RANBP2: variants seen among roughly 807,000 people sequenced by gnomAD.
RANBP2 encodes RAN binding protein 2, also known as E3 SUMO-protein ligase RanBP2.
In RANBP2, 57 loss-of-function variants were observed where a neutral mutation model predicts 303.6. The ratio of observed to expected loss-of-function variants is 0.19; its 90% CI spans 0.15 to 0.23. The LOEUF (loss-of-function observed/expected upper bound fraction) is 0.23, where lower values mean the gene tolerates loss of function less well. RANBP2 is among the 10% of genes least tolerant of loss of function. The pLI, the probability that RANBP2 is intolerant of heterozygous loss-of-function variation, is 1.00. For synonymous variants in RANBP2, 1,167 were observed against 1,301.5 expected (o/e 0.90, Z 2.23); for missense variants, 3,138 against 3,780.8 (o/e 0.83, Z 4.46).
At chr2:109,382,756 C>T in the RANBP2 span, among the ~76,000 whole-genome samples, 4 of 152,222 alleles carry the variant, frequency 2.6e-5, no homozygotes, top group Admixed American at 1.3e-4. Flanking sequence ...ATCCAGGGCC[C>T]GCAGCTGATG....
At chr2:109,678,722 C>T in the RANBP2 span, among the ~76,000 whole-genome samples, 1 of 152,186 alleles carries the variant, frequency 6.6e-6, no homozygotes, top group Non-Finnish European at 1.5e-5. Context: ...TCCTTTCCTT[C>T]TGGTAACTAC....
At chr2:109,600,434 A>G in the RANBP2 span, among the ~76,000 whole-genome samples, 1 of 152,022 alleles carries the variant, frequency 6.6e-6, no homozygotes, top group Non-Finnish European at 1.5e-5. Flanking sequence ...CAATATCTTC[A>G]TGATAAATTC....
the RANBP2 span, among the ~76,000 whole-genome samples, chr2:108,860,954 T>G: frequency 6.9e-6 from 1 of 144,996 alleles, no homozygotes; most frequent in African/African-American, 2.5e-5. Context: ...TTTTTTTTTT[T>G]TTTTGGTTGG....
At chr2:109,357,218 G>A in the RANBP2 span, among the ~76,000 whole-genome samples, 1 of 150,574 alleles carries the variant, frequency 6.6e-6, no homozygotes, top group Non-Finnish European at 1.5e-5. Context: ...GTCTTACTCT[G>A]TCGCCCAGGC....
the RANBP2 span, among the ~76,000 whole-genome samples, chr2:109,469,373 G>A: frequency 1.3e-5 from 2 of 151,846 alleles, no homozygotes; most frequent in African/African-American, 4.8e-5. Flanking sequence ...CCCGTGCTTT[G>A]CTTTGGGGCC....
the RANBP2 span, among the ~76,000 whole-genome samples, chr2:109,518,732 T>C: frequency 6.6e-6 from 1 of 152,044 alleles, no homozygotes. Flanking sequence ...TGTAAAGAAA[T>C]ACCCAAGACC....
the RANBP2 span, among the ~76,000 whole-genome samples, chr2:109,584,437 T>C: frequency 7.9e-6 from 1 of 127,146 alleles, no homozygotes; most frequent in Non-Finnish European, 1.5e-5. Flanking sequence ...ATCATGCCAC[T>C]GCACTCCAGA....
the RANBP2 span, chr2:108,910,722 C>T: frequency 1.3e-6 from 2 of 1,594,452 alleles, no homozygotes; most frequent in Non-Finnish European, 1.7e-6. Context: ...GGAACGCCCT[C>T]CACCCAGAGA....
the RANBP2 span, among the ~76,000 whole-genome samples, chr2:109,227,527 C>G: frequency 6.6e-6 from 1 of 152,184 alleles, no homozygotes; most frequent in Non-Finnish European, 1.5e-5. Flanking sequence ...TGTGGGCTCC[C>G]GGGTCTGCCT....
At chr2:109,657,950 C>G in the RANBP2 span, among the ~76,000 whole-genome samples, 1 of 151,634 alleles carries the variant, frequency 6.6e-6, no homozygotes, top group Non-Finnish European at 1.5e-5. Context: ...GAACTTCTGA[C>G]TTCAAGTGAT....
the RANBP2 span, among the ~76,000 whole-genome samples, chr2:109,695,156 T>C: frequency 6.6e-6 from 1 of 151,502 alleles, no homozygotes; most frequent in Non-Finnish European, 1.5e-5. Context: ...TTATAACCTC[T>C]CTTTCTTTGC....
the RANBP2 span, among the ~76,000 whole-genome samples, chr2:108,837,420 G>A: frequency 6.6e-5 from 10 of 151,994 alleles, no homozygotes; most frequent in East Asian, 3.9e-4. Flanking sequence ...TTAATATACC[G>A]CCATGCACTG....
chr2:108,867,258 G>T, the RANBP2 span, among the ~76,000 whole-genome samples: 1 of 152,198 alleles, frequency 6.6e-6, no homozygotes, highest in Non-Finnish European at 1.5e-5. Context: ...GTGGACACAA[G>T]AGAGAAGCTC....
chr2:108,829,260 A>G, the RANBP2 span, among the ~76,000 whole-genome samples: 1 of 152,180 alleles, frequency 6.6e-6, no homozygotes, highest in Admixed American at 6.6e-5. Flanking sequence ...CACAATATAT[A>G]AGGAACTCCT....
At chr2:109,578,461 T>C in the RANBP2 span, among the ~76,000 whole-genome samples, 2 of 152,148 alleles carry the variant, frequency 1.3e-5, no homozygotes, top group Non-Finnish European at 2.9e-5. Context: ...AAAATGGAGA[T>C]TAGAAATCTA....
the RANBP2 span, among the ~76,000 whole-genome samples, chr2:109,343,467 G>T: frequency 1.3e-5 from 2 of 152,068 alleles, no homozygotes; most frequent in African/African-American, 4.8e-5. Context: ...GTCTGAGATG[G>T]GGATACAGGG....
the RANBP2 span, among the ~76,000 whole-genome samples, chr2:109,608,788 T>C: frequency 6.6e-6 from 1 of 152,228 alleles, no homozygotes; most frequent in East Asian, 1.9e-4. Context: ...AAATTAAATT[T>C]TCTAAATAAA....
chr2:109,596,383 C>T, the RANBP2 span, among the ~76,000 whole-genome samples: 16 of 151,986 alleles, frequency 1.1e-4, no homozygotes, highest in East Asian at 2.7e-3. Flanking sequence ...TTTGGGAGGC[C>T]GAGGTGGGTG....
the RANBP2 span, among the ~76,000 whole-genome samples, chr2:109,332,700 T>TCCTGC: frequency 6.6e-6 from 1 of 152,172 alleles, no homozygotes; most frequent in Non-Finnish European, 1.5e-5. Flanking sequence ...TCTGAGTGAT[T>TCCTGC]CCTGCCGAGC....
Sources: gnomAD v4.1 joint callset for allele counts (sites outside exome capture counted in the v4.1 genomes callset) on GRCh38, gnomAD v4.1.1 for gene constraint, MANE v1.5 for transcripts, NCBI Gene and HGNC (gene_info 2026-07-23, HGNC 2026-07-21) for gene names.